Variants in NPAS3 observed in about 807,000 individuals in gnomAD.
NPAS3 encodes neuronal PAS domain-containing protein 3.
In NPAS3, 14 loss-of-function variants were observed where a neutral mutation model predicts 73.1. The observed-to-expected ratio is 0.19, with a 90% CI of 0.13 to 0.30. The LOEUF is 0.30. Among genes scored for constraint, NPAS3 ranks in the 10% least tolerant of loss-of-function variants. NPAS3 has a pLI of 1.00. For missense variants in NPAS3, 1,096 were observed against 1,250.0 expected, an observed-to-expected ratio of 0.88 and a Z score of 1.86; for synonymous variants, 620 against 541.5, an observed-to-expected ratio of 1.14 and a Z score of -2.01.
At chr14:33,242,749 AC>A (rs1191992943) in intron 3 of NPAS3, among the ~76,000 whole-genome samples, 1 of 152,098 alleles carries the variant, frequency 6.6e-6, no homozygotes, top group Admixed American at 6.6e-5. Context: ...TCTTGATTAG[AC>A]CCAAATGCAA....
intron 1 of NPAS3, among the ~76,000 whole-genome samples, chr14:32,997,581 C>T (rs11625366): frequency 0.18 from 27,114 of 151,846 alleles, 3,008 homozygotes; most frequent in African/African-American, 0.32. Flanking sequence ...GTTTTAAAAA[C>T]GGGAGTTTCT....
chr14:33,481,727 A>G (rs1442624578), intron 4 of NPAS3, among the ~76,000 whole-genome samples: 1 of 152,030 alleles, frequency 6.6e-6, no homozygotes, highest in Non-Finnish European at 1.5e-5. Context: ...AAAGGGCCAC[A>G]TTCAGAAACG....
At chr14:33,160,425 G>C (rs2044822451) in intron 2 of NPAS3, among the ~76,000 whole-genome samples, 1 of 142,260 alleles carries the variant, frequency 7.0e-6, no homozygotes, top group African/African-American at 2.6e-5. Flanking sequence ...TTAATAGTTT[G>C]ATTAACTGTG....
intron 3 of NPAS3, among the ~76,000 whole-genome samples, chr14:33,298,114 T>A (rs2042378473): frequency 6.6e-6 from 1 of 152,156 alleles, no homozygotes; most frequent in African/African-American, 2.4e-5. Flanking sequence ...AAACCCCGTC[T>A]CTACTAAAGA....
intron 1 of NPAS3, among the ~76,000 whole-genome samples, chr14:33,022,062 A>T (rs1418145534): frequency 6.6e-6 from 1 of 151,926 alleles, no homozygotes; most frequent in Non-Finnish European, 1.5e-5. Context: ...TACTTTTCCC[A>T]CCTTATTCAC....
intron 5 of NPAS3, among the ~76,000 whole-genome samples, chr14:33,601,785 C>CG (rs1235113576): frequency 6.6e-6 from 1 of 152,106 alleles, no homozygotes; most frequent in African/African-American, 2.4e-5. Context: ...TGTCTTTTAG[C>CG]GGTAAATATC....
chr14:33,753,403 C>T (rs941332123), intron 7 of NPAS3, among the ~76,000 whole-genome samples: 6 of 149,840 alleles, frequency 4.0e-5, no homozygotes, highest in African/African-American at 1.0e-4. Context: ...AAGGATTGCT[C>T]AAAAGAACAT....
At chr14:33,043,690 G>A (rs1463244920) in intron 1 of NPAS3, among the ~76,000 whole-genome samples, 1 of 152,092 alleles carries the variant, frequency 6.6e-6, no homozygotes, top group Non-Finnish European at 1.5e-5. Flanking sequence ...GCAGTTTGAG[G>A]TGGGAACAAA....
Position 33,077,774 on chromosome 14 carries a change from GT to G in NPAS3, c.140+21795del, listed in dbSNP as rs3057435. Among the ~76,000 whole-genome samples, 479 of 87,496 alleles carry G rather than the reference GT, an allele frequency of 5.5e-3. 13 individuals carry two copies. Among genetic ancestry groups the G allele is most frequent in the African/African-American group, 0.016 (424 of 25,798 alleles). 57.4% of individuals were successfully genotyped at this position (87,496 alleles called of 152,430 possible). A position where few individuals can be genotyped will look rare whatever the true frequency, so the allele number is the denominator to read the frequency against. The stretch of plus-strand genomic sequence containing the variant: ...CTTTGCTCAAAACATTGCAGTAAGG[GT>G]TTTTTTTTTTTTTTGCCCCTTTTGG... On this transcript the variant is annotated intron_variant, in intron 2 of 11. Transcript: ENST00000356141.
chr14:32,991,976 A>G (rs1229284878), intron 1 of NPAS3, among the ~76,000 whole-genome samples: 1 of 152,214 alleles, frequency 6.6e-6, no homozygotes, highest in African/African-American at 2.4e-5. Flanking sequence ...TAGAAATACA[A>G]TCACACAGAT....
At chr14:33,778,089 AAACAT>A (rs777796395) in intron 8 of NPAS3, among the ~76,000 whole-genome samples, 5 of 152,338 alleles carry the variant, frequency 3.3e-5, no homozygotes, top group Non-Finnish European at 7.3e-5. Flanking sequence ...CATTTGGTAT[AAACAT>A]AACATGTTTT....
intron 3 of NPAS3, among the ~76,000 whole-genome samples, chr14:33,272,947 C>G (rs1051659109): frequency 2.0e-5 from 3 of 152,194 alleles, no homozygotes; most frequent in Admixed American, 1.3e-4. Context: ...AATTCCTCCC[C>G]TTACTTTGGC....
At chr14:33,145,815 C>A (rs1039682475) in intron 2 of NPAS3, among the ~76,000 whole-genome samples, 1 of 152,120 alleles carries the variant, frequency 6.6e-6, no homozygotes, top group East Asian at 1.9e-4. Flanking sequence ...ACTATCGGAC[C>A]AAGAAATGTC....
At chr14:33,435,271 A>G (rs1438274283) in intron 4 of NPAS3, among the ~76,000 whole-genome samples, 1 of 152,194 alleles carries the variant, frequency 6.6e-6, no homozygotes, top group Non-Finnish European at 1.5e-5. Flanking sequence ...AGATTGGCTA[A>G]AAAGTTTTAG....
chr14:33,399,362 G>A (rs555747628), intron 4 of NPAS3, among the ~76,000 whole-genome samples: 8 of 151,952 alleles, frequency 5.3e-5, no homozygotes, highest in African/African-American at 1.4e-4. Context: ...TGCCTCTTCC[G>A]GTAGAACAAG....
chr14:33,574,005 G>T (rs1265231673), intron 5 of NPAS3, among the ~76,000 whole-genome samples: 1 of 152,196 alleles, frequency 6.6e-6, no homozygotes, highest in Non-Finnish European at 1.5e-5. Flanking sequence ...ACTTAGTTTG[G>T]ATTTACACAT....
chr14:33,630,866 A>G (rs1007909124), intron 5 of NPAS3, among the ~76,000 whole-genome samples: 1 of 152,250 alleles, frequency 6.6e-6, no homozygotes, highest in Non-Finnish European at 1.5e-5. Flanking sequence ...CTCTACTGAG[A>G]AAATTGATTT....
chr14:33,203,569 G>C (rs967238280), intron 2 of NPAS3, among the ~76,000 whole-genome samples: 2 of 152,084 alleles, frequency 1.3e-5, no homozygotes, highest in African/African-American at 4.8e-5. Flanking sequence ...AGAACATGCG[G>C]TGTTTGGTTT....
intron 1 of NPAS3, among the ~76,000 whole-genome samples, chr14:32,984,802 G>A (rs1390935401): frequency 6.6e-6 from 1 of 152,108 alleles, no homozygotes; most frequent in African/African-American, 2.4e-5. Context: ...ATTATCCTTA[G>A]TCATGTGAAT....
Sources: allele counts gnomAD v4.1 joint callset (sites outside exome capture counted in the v4.1 genomes callset), GRCh38; gene constraint gnomAD v4.1.1; transcripts MANE v1.5; gene names NCBI Gene and HGNC (gene_info 2026-07-23, HGNC 2026-07-21).